The following ARHGAP15 variants were observed in gnomAD, a reference collection of about 807,000 sequenced individuals.
ARHGAP15 encodes the protein rho GTPase-activating protein 15.
In ARHGAP15, 51 loss-of-function variants were observed where a neutral mutation model predicts 63.7. That is an observed-to-expected ratio of 0.80 (90% CI 0.64 to 1.01). The LOEUF is 1.01. Among genes scored for constraint, ARHGAP15 ranks in the 50% least tolerant of loss-of-function variants. The pLI is 0.00. For missense variants in ARHGAP15, 560 were observed against 564.6 expected, an observed-to-expected ratio of 0.99 and a Z score of 0.08; for synonymous variants, 191 against 193.8, an observed-to-expected ratio of 0.99 and a Z score of 0.12.
intron 11 of ARHGAP15, among the ~76,000 whole-genome samples, chr2:143,619,160 A>T (rs1477987307): frequency 1.2e-4 from 19 of 152,202 alleles, no homozygotes; most frequent in Admixed American, 1.2e-3. Flanking sequence ...TTCCTTGGAA[A>T]CTACCATTGA....
intron 1 of ARHGAP15, among the ~76,000 whole-genome samples, chr2:143,134,736 G>A (rs1293343344): frequency 2.0e-5 from 3 of 150,792 alleles, no homozygotes; most frequent in African/African-American, 7.4e-5. Flanking sequence ...CCGGGTTCAT[G>A]CCAGTCTCCT....
At chr2:143,202,392 A>G (rs528976155) in intron 3 of ARHGAP15, among the ~76,000 whole-genome samples, 190 bp downstream of exon 3, 86 of 152,184 alleles carry the variant, frequency 5.7e-4, no homozygotes, top group African/African-American at 2.1e-3. Flanking sequence ...CAGAATTGGG[A>G]TCTCATTTGA....
At chr2:143,668,041 G>A (rs1682319229) in intron 12 of ARHGAP15, among the ~76,000 whole-genome samples, 1 of 151,420 alleles carries the variant, frequency 6.6e-6, no homozygotes, top group Non-Finnish European at 1.5e-5. Flanking sequence ...TTTAAAAAGA[G>A]AAACATTTAA....
chr2:143,744,888 A>G (rs1320396365), intron 13 of ARHGAP15, among the ~76,000 whole-genome samples: 2 of 152,232 alleles, frequency 1.3e-5, no homozygotes, highest in African/African-American at 4.8e-5. Context: ...AATACGTACT[A>G]TGAATATTGT....
intron 2 of ARHGAP15, among the ~76,000 whole-genome samples, chr2:143,186,901 T>C (rs1443664770): frequency 6.6e-6 from 1 of 152,214 alleles, no homozygotes; most frequent in Admixed American, 6.5e-5. Context: ...TTTTAAAAAA[T>C]TAATCCTATT....
At chr2:143,540,422 T>C (rs1387384021) in intron 10 of ARHGAP15, among the ~76,000 whole-genome samples, 1 of 152,210 alleles carries the variant, frequency 6.6e-6, no homozygotes, top group African/African-American at 2.4e-5. Flanking sequence ...CCTGTCATTA[T>C]GTTAGCTGGT....
intron 6 of ARHGAP15, among the ~76,000 whole-genome samples, chr2:143,381,478 G>T (rs549826181): frequency 6.6e-6 from 1 of 152,216 alleles, no homozygotes; most frequent in South Asian, 2.1e-4. Context: ...ATTGGCAGTT[G>T]TTGTCAGGGT....
intron 6 of ARHGAP15, among the ~76,000 whole-genome samples, chr2:143,323,921 A>C (rs949726349): frequency 4.0e-5 from 6 of 149,542 alleles, no homozygotes; most frequent in East Asian, 2.0e-4. Context: ...AAAAAAAAAA[A>C]AACACCTAAA....
chr2:143,199,681 A>G (rs888363514), intron 2 of ARHGAP15, among the ~76,000 whole-genome samples: 1 of 152,104 alleles, frequency 6.6e-6, no homozygotes, highest in Non-Finnish European at 1.5e-5. Context: ...AACTAGTCAC[A>G]TGGCCACTCC....
Position 143,642,557 on chromosome 2 carries a change from C to T in ARHGAP15, c.1138+18290C>T, listed in dbSNP as rs117662570. ...AATAAGAGGAGAGCAGCTCTTCCTA[C>T]TCGTAGTATGTTGACATCACAGCAC... On this transcript the variant is annotated intron_variant, in intron 12 of 13. Coordinates refer to ENST00000295095, the MANE Select transcript of ARHGAP15 (RefSeq NM_018460.4). Among the ~76,000 whole-genome samples the T allele has an allele frequency of 1.2e-3, 177 of 152,196 alleles. 1 individual carries two copies. Among genetic ancestry groups the T allele is most frequent in the East Asian group, 5.2e-3 (27 of 5,154 alleles).
chr2:143,451,399 A>G (rs1296967146), intron 8 of ARHGAP15, among the ~76,000 whole-genome samples: 2 of 151,974 alleles, frequency 1.3e-5, no homozygotes, highest in African/African-American at 4.8e-5. Context: ...GTAGCACTTC[A>G]AGAAGACAGA....
At chr2:143,582,464 G>T (rs1337278458) in intron 11 of ARHGAP15, among the ~76,000 whole-genome samples, 1 of 152,154 alleles carries the variant, frequency 6.6e-6, no homozygotes, top group African/African-American at 2.4e-5. Flanking sequence ...GTGGGGCAAT[G>T]AGGAGGGGCA....
At chr2:143,643,815 G>A (rs1559098745) in intron 12 of ARHGAP15, among the ~76,000 whole-genome samples, 1 of 152,070 alleles carries the variant, frequency 6.6e-6, no homozygotes, top group East Asian at 1.9e-4. Flanking sequence ...AAATAGATGG[G>A]TTAGGGTTTG....
In ARHGAP15 at chr2:143,487,421, T is replaced by C. The variant is rs868812296; in HGVS notation, c.752T>C (p.Val251Ala). 1.3e-5 allele frequency: 21 copies of C among 1,613,684 alleles called. No homozygotes were observed. In the Middle Eastern group the frequency reaches 2.5e-3, roughly 190 times the overall value. ...SASDTSDKNR[V>A]KSRLKKFITR... Reference sequence around the variant, plus strand: ...TCCGATACAAGCGACAAAAATCGAGTTAAAAGCAGATTAAAGAAGTTTATT... The same window carrying C: ...TCCGATACAAGCGACAAAAATCGAGCTAAAAGCAGATTAAAGAAGTTTATT... The change falls in exon 9 of 14, where the codon GTT becomes GCT. Residue 251 changes from valine (V) to alanine (A), a missense_variant. Coordinates refer to ENST00000295095, the MANE Select transcript of ARHGAP15 (RefSeq NM_018460.4).
At chr2:143,682,736 G>A (rs1683161360) in intron 12 of ARHGAP15, 1 of 152,074 alleles carries the variant, frequency 6.6e-6, no homozygotes, top group African/African-American at 2.4e-5. Context: ...ATTTTTCTCA[G>A]CTGAAGTATT....
At chr2:143,195,659 C>G (rs1364145651) in intron 2 of ARHGAP15, among the ~76,000 whole-genome samples, 1 of 152,170 alleles carries the variant, frequency 6.6e-6, no homozygotes, top group Non-Finnish European at 1.5e-5. Flanking sequence ...TTTATTGCTG[C>G]TTTTCATCCA....
chr2:143,710,365 C>A (rs558381478), intron 13 of ARHGAP15, among the ~76,000 whole-genome samples: 2 of 152,066 alleles, frequency 1.3e-5, no homozygotes, highest in East Asian at 1.9e-4. Flanking sequence ...TTACTCTGAT[C>A]GCGAGGGTGA....
chr2:143,470,522 T>G (rs544888762), intron 8 of ARHGAP15, among the ~76,000 whole-genome samples: 166 of 142,974 alleles, frequency 1.2e-3, no homozygotes, highest in African/African-American at 4.2e-3. Flanking sequence ...AATATTCTTT[T>G]GTTTTATATA....
intron 13 of ARHGAP15, among the ~76,000 whole-genome samples, chr2:143,747,036 T>C (rs1686192218): frequency 6.6e-6 from 1 of 152,050 alleles, no homozygotes; most frequent in Non-Finnish European, 1.5e-5. Flanking sequence ...TCAAACCAGA[T>C]TTAGGTTTAA....
Sources: allele counts gnomAD v4.1 joint callset (sites outside exome capture counted in the v4.1 genomes callset), GRCh38; gene constraint gnomAD v4.1.1; transcripts MANE v1.5; gene names NCBI Gene and HGNC (gene_info 2026-07-23, HGNC 2026-07-21).